Variants in GRIK3 observed in about 807,000 individuals in gnomAD.
GRIK3 encodes the protein glutamate ionotropic receptor kainate type subunit 3.
In GRIK3, 29 loss-of-function variants were observed where a neutral mutation model predicts 102.5. That is an observed-to-expected ratio of 0.28 (90% confidence interval 0.21 to 0.39). GRIK3 has a LOEUF of 0.39. Among genes scored for constraint, GRIK3 ranks in the 10% least tolerant of loss-of-function variants. The probability of loss-of-function intolerance (pLI) is 1.00; values close to 1 mark genes in which losing one functional copy is unlikely to be tolerated. For synonymous variants in GRIK3, 511 were observed against 504.9 expected, an observed-to-expected ratio of 1.01 and a Z score of -0.16; for missense variants, 908 against 1,252.4, an observed-to-expected ratio of 0.73 and a Z score of 4.15.
At chr1:36,990,772 C>A (rs908806147) in intron 1 of GRIK3, among the ~76,000 whole-genome samples, 1 of 152,132 alleles carries the variant, frequency 6.6e-6, no homozygotes, top group Non-Finnish European at 1.5e-5. Flanking sequence ...TCGCTGAGCC[C>A]AGGGCCCTGG....
chr1:36,868,772 C>T (rs1485873724), intron 5 of GRIK3, among the ~76,000 whole-genome samples: 1 of 152,208 alleles, frequency 6.6e-6, no homozygotes, highest in Non-Finnish European at 1.5e-5. Context: ...ATGGATCTTT[C>T]GAGGCCTAGT....
At chr1:36,874,602 G>T (rs1640891886) in intron 3 of GRIK3, among the ~76,000 whole-genome samples, 1 of 152,196 alleles carries the variant, frequency 6.6e-6, no homozygotes, top group Non-Finnish European at 1.5e-5. Context: ...ATGTATCCCA[G>T]AAATTCTTGA....
At chr1:36,861,884 G>A (rs962230568) in intron 5 of GRIK3, among the ~76,000 whole-genome samples, 4 of 152,192 alleles carry the variant, frequency 2.6e-5, no homozygotes, top group Admixed American at 6.5e-5. Flanking sequence ...CAGCAGATGC[G>A]GGCTTCCCTC....
chr1:36,805,141 C>G lies in GRIK3; in HGVS notation c.2411G>C (p.Gly804Ala). 6.2e-7 allele frequency: 1 copy of G among 1,614,172 alleles called. No homozygotes were observed. Reference protein sequence around the residue: ...IMKEKWWRGSGCPEEENKEAS... With the variant: ...IMKEKWWRGSACPEEENKEAS... Reference sequence around the variant, plus strand: ...CTCTTTGTTTTCCTCCTCAGGACACCCGCTGCCCCGCCACCACTTCTCCTT... The same window carrying G: ...CTCTTTGTTTTCCTCCTCAGGACACGCGCTGCCCCGCCACCACTTCTCCTT... Residue 804 changes from glycine (G) to alanine (A), a missense_variant, in exon 15 of 16, where the codon GGG becomes GCG. Gly to Ala is a moderately conservative substitution (Grantham distance 60). Transcript: ENST00000373091.
chr1:36,927,179 G>C (rs1037518032), intron 1 of GRIK3, among the ~76,000 whole-genome samples: 18 of 152,236 alleles, frequency 1.2e-4, no homozygotes, highest in Admixed American at 2.0e-4. Context: ...CCTCGTTCAA[G>C]AGCTCTAACA....
chr1:36,842,439 C>G (rs1335678057), intron 9 of GRIK3, among the ~76,000 whole-genome samples: 1 of 152,206 alleles, frequency 6.6e-6, no homozygotes, highest in Non-Finnish European at 1.5e-5. Context: ...GATGTCCACT[C>G]AAGTCTGAGG....
intron 1 of GRIK3, among the ~76,000 whole-genome samples, chr1:36,915,055 T>G (rs1308565371): frequency 1.3e-5 from 2 of 152,198 alleles, no homozygotes; most frequent in Non-Finnish European, 2.9e-5. Flanking sequence ...AGCGACCTTG[T>G]CCTTTATCAA....
intron 1 of GRIK3, among the ~76,000 whole-genome samples, chr1:36,910,373 C>T (rs1476200245): frequency 1.3e-5 from 2 of 152,234 alleles, no homozygotes; most frequent in African/African-American, 4.8e-5. Flanking sequence ...AGCCTCTTCT[C>T]AGGGCCCGCC....
At chr1:36,889,324 G>A (rs1288950769) in intron 2 of GRIK3, among the ~76,000 whole-genome samples, 1 of 151,506 alleles carries the variant, frequency 6.6e-6, no homozygotes, top group Non-Finnish European at 1.5e-5. Context: ...CAGCATGTGC[G>A]GAAGCCCAGA....
chr1:37,010,769 C>T (rs552666469), intron 1 of GRIK3, among the ~76,000 whole-genome samples: 1 of 135,958 alleles, frequency 7.4e-6, no homozygotes, highest in East Asian at 2.2e-4. Context: ...GAGTCTCGCT[C>T]TGTCACCCAG....
At chr1:36,959,610 T>A (rs2124346684) in intron 1 of GRIK3, among the ~76,000 whole-genome samples, 1 of 131,504 alleles carries the variant, frequency 7.6e-6, no homozygotes, top group South Asian at 2.7e-4. Context: ...CATGAGCCTG[T>A]GTGCCCCGTA....
chr1:36,881,418 C>T (rs1360866833), intron 2 of GRIK3, among the ~76,000 whole-genome samples: 2 of 152,096 alleles, frequency 1.3e-5, no homozygotes, highest in African/African-American at 4.8e-5. Context: ...CCCTCTTGTC[C>T]CAACCTCCTT....
chr1:36,855,257 C>A (rs1368865430), intron 7 of GRIK3, among the ~76,000 whole-genome samples: 4 of 152,162 alleles, frequency 2.6e-5, no homozygotes, highest in African/African-American at 7.2e-5. Context: ...GGGTTCCTAA[C>A]CACTCCGAGC....
At position 36,800,584 on chromosome 1, in the gene GRIK3, T is replaced by A. The variant is rs1372354748; in HGVS notation, c.*1267A>T. 6.6e-6 allele frequency: 1 copy of A among 152,220 alleles called. No homozygotes were observed. Among genetic ancestry groups the A allele is most frequent in the African/African-American group, 2.4e-5 (1 of 41,454 alleles). 9.4% of individuals were successfully genotyped at this position (152,220 alleles called of 1,614,324 possible). ...GTCTCTGTGTGGGGTCTTTGGTTAA[T>A]TCTCCAGGAGGCAGCTTCTTCCTCC... On this transcript the variant is annotated 3_prime_UTR_variant, in exon 16 of 16. Transcript: ENST00000373091.
At chr1:36,961,503 G>A (rs1421282691) in intron 1 of GRIK3, among the ~76,000 whole-genome samples, 1 of 152,184 alleles carries the variant, frequency 6.6e-6, no homozygotes, top group Admixed American at 6.5e-5. Context: ...TGGCTCTCAG[G>A]AGGCCACAGC....
At chr1:36,964,367 G>A (rs1278897039) in intron 1 of GRIK3, among the ~76,000 whole-genome samples, 1 of 152,166 alleles carries the variant, frequency 6.6e-6, no homozygotes, top group Non-Finnish European at 1.5e-5. Context: ...CTCCCCAAGG[G>A]GAGGAAATCA....
chr1:36,885,867 A>G (rs1033570175), intron 2 of GRIK3, among the ~76,000 whole-genome samples: 9 of 152,184 alleles, frequency 5.9e-5, no homozygotes, highest in South Asian at 2.1e-4. Flanking sequence ...CAGTAACTCA[A>G]TGGTTCACAG....
At position 37,034,323 on chromosome 1, in the gene GRIK3, G is replaced by A. The variant is rs1444887183; in HGVS notation, c.-215C>T. Among the ~76,000 whole-genome samples the A allele has an allele frequency of 6.7e-6, 1 of 149,962 alleles. No individual in the cohort carries two copies. On this transcript the variant is annotated 5_prime_UTR_variant, in exon 1 of 16. Transcript: ENST00000373091. ...CCCGCCCCGCCTGGCTGCCGCCCAC[G>A]GGCTGCCCGCGAGCGAGGCTCCTGG...
In GRIK3 at chr1:36,819,090, A is replaced by C. The variant is rs1642668401; in HGVS notation, c.1873+646T>G. On this transcript the variant is annotated intron_variant, in intron 12 of 15. Transcript: ENST00000373091. This position sits in a 1 kb window ranked among gnomAD's most constrained non-coding sequence, Gnocchi z 4.1. The stretch of plus-strand genomic sequence containing the variant: ...TCTGCTGCAGATAGTTCCAAAGCAC[A>C]TTGGCCCTCCCTCCAGAGGATGTAA... Among the ~76,000 whole-genome samples, 2 of 152,236 alleles carry C rather than the reference A, an allele frequency of 1.3e-5. No individual in the cohort carries two copies. Among genetic ancestry groups the C allele is most frequent in the South Asian group, 2.1e-4 (1 of 4,814 alleles).
Sources: allele counts gnomAD v4.1 joint callset (sites outside exome capture counted in the v4.1 genomes callset), GRCh38; gene constraint gnomAD v4.1.1; non-coding constraint Gnocchi (gnomAD v3.1); transcripts MANE v1.5; gene names NCBI Gene and HGNC (gene_info 2026-07-23, HGNC 2026-07-21).